Variants in SYT12 observed in about 807,000 individuals in gnomAD.
SYT12 encodes synaptotagmin 12.
In SYT12, 27 loss-of-function variants were observed where a neutral mutation model predicts 39.5. That is an observed-to-expected ratio of 0.68 (90% CI 0.50 to 0.94). The LOEUF (loss-of-function observed/expected upper bound fraction) is 0.94, where lower values mean the gene tolerates loss of function less well. Among genes scored for constraint, SYT12 ranks in the 40% least tolerant of loss-of-function variants. SYT12 has a pLI of 0.00. For missense variants in SYT12, 536 were observed against 572.6 expected, an observed-to-expected ratio of 0.94 and a Z score of 0.65; for synonymous variants, 233 against 239.7, an observed-to-expected ratio of 0.97 and a Z score of 0.26.
At chr11:67,039,746 C>T in intron 3 of SYT12, 65 bp from the exon 4 acceptor site, 2 of 1,526,146 alleles carry the variant, frequency 1.3e-6, no homozygotes, top group Non-Finnish European at 8.8e-7. Flanking sequence ...CATCTCTTTG[C>T]CGTCTCCCAG....
chr11:67,022,080 A>G (rs1233444093), upstream of SYT12, among the ~76,000 whole-genome samples: 1 of 151,126 alleles, frequency 6.6e-6, no homozygotes, highest in African/African-American at 2.4e-5. Context: ...CACCTGGCTA[A>G]TTTTTTTGTA....
upstream of SYT12, among the ~76,000 whole-genome samples, chr11:67,019,883 T>C (rs2136198141): frequency 7.2e-6 from 1 of 138,182 alleles, no homozygotes; most frequent in South Asian, 2.3e-4. Flanking sequence ...GGTGAAAGAG[T>C]GAGACCCTGT....
At chr11:67,029,126 A>G (rs1397060860) in intron 1 of SYT12, 2 of 152,224 alleles carry the variant, frequency 1.3e-5, no homozygotes, top group African/African-American at 2.4e-5. Context: ...TTCTTAGCAC[A>G]CTAATAAAAC....
intron 5 of SYT12, among the ~76,000 whole-genome samples, chr11:67,044,381 T>A (rs979489971): frequency 6.6e-6 from 1 of 151,192 alleles, no homozygotes; most frequent in Admixed American, 6.6e-5. Flanking sequence ...AAGGGAGGAG[T>A]GGGGCATGCT....
At chr11:67,035,031 TAG>T (rs1181643553) in intron 3 of SYT12, among the ~76,000 whole-genome samples, 193 bp downstream of exon 3, 2 of 143,176 alleles carry the variant, frequency 1.4e-5, no homozygotes, top group African/African-American at 2.7e-5. Context: ...TTTTTTGAGA[TAG>T]AGTTTCCCTC....
At chr11:67,026,187 G>C (rs1445006138) in intron 1 of SYT12, among the ~76,000 whole-genome samples, 1 of 152,176 alleles carries the variant, frequency 6.6e-6, no homozygotes, top group Non-Finnish European at 1.5e-5. Context: ...GCCAGGGAAG[G>C]GGCAATGCCG....
intron 2 of SYT12, chr11:67,032,140 A>G (rs1381621470): frequency 6.6e-6 from 1 of 152,148 alleles, no homozygotes; most frequent in Non-Finnish European, 1.5e-5. Flanking sequence ...ACGTCACACG[A>G]TTGCGTGATT....
intron 4 of SYT12, among the ~76,000 whole-genome samples, chr11:67,042,968 C>T (rs866059613): frequency 2.6e-5 from 4 of 152,150 alleles, no homozygotes; most frequent in Non-Finnish European, 5.9e-5. Flanking sequence ...GCTAGGCAGC[C>T]CCCCAGCCTC....
At chr11:67,035,831 T>G (rs1950363192) in intron 3 of SYT12, among the ~76,000 whole-genome samples, 1 of 101,334 alleles carries the variant, frequency 9.9e-6, no homozygotes. Flanking sequence ...CCTTCCTTCC[T>G]TCCTTCCTTT....
chr11:67,012,447 C>CA (rs1950020556), intron 3 of SYT12, among the ~76,000 whole-genome samples: 1 of 152,190 alleles, frequency 6.6e-6, no homozygotes, highest in South Asian at 2.1e-4. Context: ...TCTCCCACCT[C>CA]AGACTGACTG....
intron 2 of SYT12, among the ~76,000 whole-genome samples, chr11:67,034,318 C>A (rs1950320359): frequency 6.6e-6 from 1 of 152,090 alleles, no homozygotes; most frequent in African/African-American, 2.4e-5. Context: ...AAATCCAAAT[C>A]CAAAATCTGA....
At chr11:67,046,128 G>A (rs374024163) in intron 7 of SYT12, among the ~76,000 whole-genome samples, 1 of 152,152 alleles carries the variant, frequency 6.6e-6, no homozygotes, top group Non-Finnish European at 1.5e-5. Flanking sequence ...CCTCAGGTGA[G>A]GGGGGATTCC....
chr11:67,017,342 G>A (rs1950066233), intron 3 of SYT12, among the ~76,000 whole-genome samples: 1 of 151,318 alleles, frequency 6.6e-6, no homozygotes. Context: ...GGTAACATAG[G>A]GAGACCCCAT....
Position 67,012,893 on chromosome 11 carries a change from C to G in SYT12, c.-69+1899C>G, listed in dbSNP as rs141579058. Among the ~76,000 whole-genome samples, 1,444 of 152,202 alleles carry G rather than the reference C, an allele frequency of 9.5e-3. 19 individuals carry two copies. The highest frequency in any genetic ancestry group is 0.032 in the African/African-American group (1,321 of 41,520). On this transcript the variant is annotated intron_variant, in intron 3 of 10. Transcript: ENST00000393946. The stretch of plus-strand genomic sequence containing the variant: ...GAAGTAACCACACACTGAAAGGGGG[C>G]TGTTGTGTTTCTTCCTTCAAATGGA...
rs1227841616 is a variant in SYT12, at chr11:67,044,625, C to T, written c.870C>T (p.Ser290=). ...AADAVGEILL[S]LSYLPTAERL... ...ATGCTGTGGGGGAGATCCTGCTCTC[C>T]CTCAGCTACCTCCCCACAGCCGAGC... The change falls in exon 6 of 8, where the codon TCC becomes TCT. Residue 290 remains serine (S), a synonymous_variant. Transcript: ENST00000527043. The T allele has an allele frequency of 6.2e-7, 1 of 1,613,432 alleles. No individual in the cohort carries two copies. The highest frequency in any genetic ancestry group is 1.7e-5 in the Admixed American group (1 of 60,020).
chr11:67,035,600 G>A (rs1187429693), intron 3 of SYT12, among the ~76,000 whole-genome samples: 3 of 150,494 alleles, frequency 2.0e-5, no homozygotes, highest in African/African-American at 4.9e-5. Context: ...TGGGACTACA[G>A]GCACCCGCCA....
intron 3 of SYT12, among the ~76,000 whole-genome samples, chr11:67,016,877 A>G (rs1950063085): frequency 1.3e-5 from 2 of 152,200 alleles, no homozygotes; most frequent in Admixed American, 1.3e-4. Context: ...GTTGTCTCAT[A>G]AAGTGGGATC....
intron 2 of SYT12, among the ~76,000 whole-genome samples, chr11:67,034,214 T>C (rs1171820196): frequency 6.6e-6 from 1 of 152,218 alleles, no homozygotes; most frequent in East Asian, 1.9e-4. Flanking sequence ...CCCCTGACAG[T>C]CACTAATCTA....
chr11:67,035,796 TCCTTCCTTCC>T (rs1950357446), intron 3 of SYT12, among the ~76,000 whole-genome samples: 4 of 47,516 alleles, frequency 8.4e-5, no homozygotes, highest in African/African-American at 3.1e-4. Context: ...TTTCTTTCCT[TCCTTCCTTCC>T]TTCCTTCCTT....
Sources: allele counts gnomAD v4.1 joint callset (sites outside exome capture counted in the v4.1 genomes callset), GRCh38; gene constraint gnomAD v4.1.1; transcripts MANE v1.5; gene names NCBI Gene and HGNC (gene_info 2026-07-23, HGNC 2026-07-21).